The following SLX9 variants were observed in gnomAD, a reference collection of about 807,000 sequenced individuals.
SLX9 encodes the protein SLX9 ribosome biogenesis factor.
In SLX9, 19 loss-of-function variants were observed where a neutral mutation model predicts 20.8. The ratio of observed to expected loss-of-function variants is 0.91; its 90% CI spans 0.64 to 1.34. SLX9 has a LOEUF of 1.34. Ranked by LOEUF, SLX9 falls within the 40% of genes most tolerant of loss-of-function variation. The pLI is 0.00. For synonymous variants in SLX9, 113 were observed against 137.1 expected, an observed-to-expected ratio of 0.82 and a Z score of 1.23; for missense variants, 299 against 322.2, an observed-to-expected ratio of 0.93 and a Z score of 0.55.
chr21:44,964,212 T>C (rs1182854939), intron 3 of SLX9, among the ~76,000 whole-genome samples: 1 of 152,238 alleles, frequency 6.6e-6, no homozygotes, highest in Non-Finnish European at 1.5e-5. Flanking sequence ...CAATTGGTTT[T>C]TTAAAATACT....
chr21:44,943,862 ATGC>A (rs1295427055), intron 2 of SLX9, 25 bp downstream of exon 2: 8 of 1,613,660 alleles, frequency 5.0e-6, no homozygotes, highest in Non-Finnish European at 6.8e-6. Context: ...ACGGGTTACC[ATGC>A]TGATACCCAG....
chr21:44,948,914 G>T (rs555120875), intron 2 of SLX9, among the ~76,000 whole-genome samples: 3 of 152,192 alleles, frequency 2.0e-5, no homozygotes, highest in Admixed American at 1.3e-4. Context: ...GCAAGTGTGG[G>T]GTCCGGCCAT....
intron 1 of SLX9, 30 bp from the exon 2 acceptor site, chr21:44,943,654 C>G (rs1302701937): frequency 2.5e-6 from 4 of 1,610,290 alleles, no homozygotes; most frequent in Non-Finnish European, 3.4e-6. Context: ...CACACCTCTT[C>G]TTTTCGTCCG....
chr21:44,971,455 G>A (rs1008830007), intron 4 of SLX9, among the ~76,000 whole-genome samples: 1 of 152,144 alleles, frequency 6.6e-6, no homozygotes, highest in Non-Finnish European at 1.5e-5. Context: ...GGTCCCCGCA[G>A]TGGGGAGGGG....
intron 2 of SLX9, chr21:44,958,282 A>C (rs56293401): frequency 7.9e-5 from 12 of 152,392 alleles, no homozygotes; most frequent in Non-Finnish European, 1.5e-5. Flanking sequence ...GGACAGTAGC[A>C]GCTCCCGACA....
At chr21:44,973,945 C>T (rs1255177110) in intron 5 of SLX9, among the ~76,000 whole-genome samples, 3 of 152,188 alleles carry the variant, frequency 2.0e-5, no homozygotes, top group African/African-American at 4.8e-5. Flanking sequence ...CCATCTCCGC[C>T]CCTCCCCTCC....
chr21:44,962,766 C>T (rs962493896), intron 3 of SLX9, among the ~76,000 whole-genome samples: 1 of 152,110 alleles, frequency 6.6e-6, no homozygotes, highest in Non-Finnish European at 1.5e-5. Context: ...AGTGGTTGTA[C>T]ACTCACACTC....
At chr21:44,947,532 C>T (rs549824134) in intron 2 of SLX9, among the ~76,000 whole-genome samples, 40 of 145,676 alleles carry the variant, frequency 2.7e-4, no homozygotes, top group Non-Finnish European at 4.9e-4. Context: ...CTGACAAGTT[C>T]GTGGCATCGT....
At chr21:44,961,890 C>G (rs545458810) in intron 3 of SLX9, among the ~76,000 whole-genome samples, 1 of 152,200 alleles carries the variant, frequency 6.6e-6, no homozygotes. Flanking sequence ...TGTAAGTTAT[C>G]TCTAAATACA....
At chr21:44,967,937 C>A (rs1247876952) in intron 4 of SLX9, among the ~76,000 whole-genome samples, 1 of 152,124 alleles carries the variant, frequency 6.6e-6, no homozygotes, top group African/African-American at 2.4e-5. Context: ...GTTTGTTCTT[C>A]AGGAAAGAGG....
chr21:44,940,209 G>A, intron 1 of SLX9, 23 bp downstream of exon 1: 2 of 1,222,062 alleles, frequency 1.6e-6, no homozygotes, highest in Non-Finnish European at 1.0e-6. Flanking sequence ...GGCGCTGGCC[G>A]GGGGCTGCCG....
At position 44,965,742 on chromosome 21, in the gene SLX9, C is replaced by T. The variant is rs144686384; in HGVS notation, c.353-1292C>T. Among the ~76,000 whole-genome samples, 501 of 152,288 alleles carry T rather than the reference C, an allele frequency of 3.3e-3. 2 individuals are homozygous for T. Among genetic ancestry groups the T allele is most frequent in the Middle Eastern group, 0.01 (3 of 294 alleles). ...TTGAAAGGCTTCTGGCTTTGGCTTG[C>T]TGAGGTGCGGGCCTTTGTGTCTGTC... On this transcript the variant is annotated intron_variant, in intron 3 of 5. Coordinates refer to ENST00000291634, the MANE Select transcript of SLX9 (RefSeq NM_058190.4).
At chr21:44,973,043 C>T in intron 4 of SLX9, 154 bp from the exon 5 acceptor site, 1 of 294,960 alleles carries the variant, frequency 3.4e-6, no homozygotes, top group Non-Finnish European at 4.8e-6. Context: ...CCTCCATGGC[C>T]ACAGTGCAGC....
At chr21:44,964,403 T>C (rs61674083) in intron 3 of SLX9, among the ~76,000 whole-genome samples, 11,923 of 152,248 alleles carry the variant, frequency 0.078, 1,558 homozygotes, top group African/African-American at 0.27. Flanking sequence ...CACCCCACCT[T>C]GCCTTTATGA....
chr21:44,956,194 G>T (rs186827334), intron 2 of SLX9, among the ~76,000 whole-genome samples: 2 of 152,182 alleles, frequency 1.3e-5, no homozygotes, highest in Admixed American at 1.3e-4. Flanking sequence ...TCTCCCCCTC[G>T]TTGGTAGTTC....
chr21:44,972,559 C>G (rs1019332735), intron 4 of SLX9, among the ~76,000 whole-genome samples: 1 of 152,188 alleles, frequency 6.6e-6, no homozygotes, highest in African/African-American at 2.4e-5. Flanking sequence ...CTCGTTGGCA[C>G]CCCCCGCAGG....
At chr21:44,965,859 C>G (rs568513495) in intron 3 of SLX9, among the ~76,000 whole-genome samples, 1 of 152,164 alleles carries the variant, frequency 6.6e-6, no homozygotes, top group African/African-American at 2.4e-5. Context: ...CCCTCCCTAC[C>G]CCAGCTTCCA....
chr21:44,956,267 C>T (rs767725685), intron 2 of SLX9, among the ~76,000 whole-genome samples: 4 of 152,126 alleles, frequency 2.6e-5, no homozygotes, highest in Non-Finnish European at 5.9e-5. Flanking sequence ...GTAGCAAATT[C>T]GGTGTTTTCT....
At chr21:44,956,934 A>G (rs566114225) in intron 2 of SLX9, among the ~76,000 whole-genome samples, 248 of 152,356 alleles carry the variant, frequency 1.6e-3, no homozygotes, top group Middle Eastern at 6.8e-3. Context: ...CCCAGGCAGC[A>G]CCGTGGCAGC....
Sources: allele counts gnomAD v4.1 joint callset (sites outside exome capture counted in the v4.1 genomes callset), GRCh38; gene constraint gnomAD v4.1.1; transcripts MANE v1.5; gene names NCBI Gene and HGNC (gene_info 2026-07-23, HGNC 2026-07-21).